The following CASK variants were observed in gnomAD, a reference collection of about 807,000 sequenced individuals.
CASK encodes calcium/calmodulin dependent serine protein kinase.
In CASK, 4 loss-of-function variants were observed where a neutral mutation model predicts 82.9. That is an observed-to-expected ratio of 0.05 (90% confidence interval 0.02 to 0.11). The LOEUF is 0.11. Among genes scored for constraint, CASK ranks in the 10% least tolerant of loss-of-function variants. CASK has a pLI of 1.00. For missense variants in CASK, 358 were observed against 720.9 expected (o/e 0.50, Z 5.76); for synonymous variants, 259 against 253.5 (o/e 1.02, Z -0.20).
chrX:41,897,241 C>A lies in CASK; in HGVS notation c.59+25689G>T, dbSNP rs760652381. On this transcript the variant is annotated intron_variant, in intron 1 of 26. Coordinates refer to ENST00000378163, the MANE Select transcript of CASK (RefSeq NM_001367721.1). ...ATTGAGTGTTGATGTTAGCTGTGGGCCTGTCATATACAGCCTTTATTGTGT... is the reference window on the plus strand; with the variant it reads ...ATTGAGTGTTGATGTTAGCTGTGGGACTGTCATATACAGCCTTTATTGTGT... Among the ~76,000 whole-genome samples, 133 of 111,523 alleles carry A rather than the reference C, an allele frequency of 1.2e-3. 1 individual carries two copies. Among genetic ancestry groups the A allele is most frequent in the Non-Finnish European group, 4.2e-4 (22 of 52,906 alleles).
At chrX:41,737,303 G>A (rs183150696) in intron 5 of CASK, among the ~76,000 whole-genome samples, 3 of 112,061 alleles carry the variant, frequency 2.7e-5, no homozygotes, top group Non-Finnish European at 5.6e-5. Context: ...GCCACGCTAC[G>A]TCACCAACAT....
chrX:41,800,735 G>A (rs1299325984), intron 2 of CASK, among the ~76,000 whole-genome samples: 2 of 108,256 alleles, frequency 1.8e-5, no homozygotes, highest in African/African-American at 3.4e-5. Context: ...TCCCACCTAT[G>A]AGTGAGAACA....
chrX:41,602,719 C>CTTTTTTTTTTTTTT (rs34064822), intron 12 of CASK, among the ~76,000 whole-genome samples: 1 of 75,203 alleles, frequency 1.3e-5, no homozygotes, highest in African/African-American at 4.7e-5. Flanking sequence ...TGCTTAGCGG[C>CTTTTTTTTTTTTTT]TTTTTTTTTT....
At chrX:41,789,991 G>A (rs146078097) in intron 2 of CASK, among the ~76,000 whole-genome samples, 1,249 of 111,473 alleles carry the variant, frequency 0.011, 5 homozygotes, top group Non-Finnish European at 0.016. Context: ...GTGCAGTGGC[G>A]TGATCATGGC....
intron 8 of CASK, among the ~76,000 whole-genome samples, chrX:41,646,709 TAC>T (rs1443356928): frequency 1.8e-5 from 2 of 111,903 alleles, no homozygotes; most frequent in Non-Finnish European, 3.8e-5. Context: ...ACTATTCCCA[TAC>T]AGAGTTGTGT....
At chrX:41,724,673 T>C (rs986933352) in intron 5 of CASK, among the ~76,000 whole-genome samples, 4 of 111,887 alleles carry the variant, frequency 3.6e-5, no homozygotes, top group Admixed American at 9.5e-5. Context: ...ATGTACATAG[T>C]AGATACAAGT....
chrX:41,538,650 T>C (rs1434613045), intron 22 of CASK, among the ~76,000 whole-genome samples: 1 of 112,372 alleles, frequency 8.9e-6, no homozygotes, highest in Non-Finnish European at 1.9e-5. Context: ...ATTACCCTGA[T>C]TTTCTGCTAA....
intron 5 of CASK, chrX:41,726,952 A>T: frequency 1.8e-6 from 1 of 571,223 alleles, no homozygotes; most frequent in Non-Finnish European, 2.7e-6. Flanking sequence ...ATACTGTACC[A>T]AAAATAATTT....
At chrX:41,669,810 G>A (rs2067171046) in intron 6 of CASK, among the ~76,000 whole-genome samples, 1 of 111,757 alleles carries the variant, frequency 8.9e-6, no homozygotes, top group Non-Finnish European at 1.9e-5. Context: ...TGTACTACCT[G>A]TAGTTAGAGT....
chrX:41,915,408 A>G (rs1162679552), intron 1 of CASK, among the ~76,000 whole-genome samples: 1 of 112,635 alleles, frequency 8.9e-6, no homozygotes, highest in Non-Finnish European at 1.9e-5. Context: ...ATTATTCATG[A>G]AAAATCAATA....
At chrX:41,815,926 T>G (rs1392040058) in intron 2 of CASK, among the ~76,000 whole-genome samples, 1 of 111,316 alleles carries the variant, frequency 9.0e-6, no homozygotes, top group South Asian at 3.8e-4. Flanking sequence ...AGTGGTGTAA[T>G]CTCGGCTCAC....
chrX:41,828,902 C>T (rs1299910472), intron 2 of CASK, among the ~76,000 whole-genome samples: 3 of 112,032 alleles, frequency 2.7e-5, no homozygotes, highest in African/African-American at 9.7e-5. Flanking sequence ...GGAAGAGAAT[C>T]TTATGTCTGG....
chrX:41,647,410 G>A (rs751931372), intron 8 of CASK, among the ~76,000 whole-genome samples: 4 of 112,108 alleles, frequency 3.6e-5, no homozygotes, highest in East Asian at 2.8e-4. Flanking sequence ...GAGCTGAGGC[G>A]TTAGATCAGG....
intron 1 of CASK, among the ~76,000 whole-genome samples, chrX:41,876,987 T>C (rs779430505): frequency 8.9e-6 from 1 of 111,880 alleles, no homozygotes; most frequent in South Asian, 3.7e-4. Context: ...GGTGTCCAGT[T>C]CTAGCTTTGC....
chrX:41,775,361 C>A (rs948100837), intron 3 of CASK, among the ~76,000 whole-genome samples: 5 of 109,849 alleles, frequency 4.6e-5, no homozygotes, highest in African/African-American at 1.7e-4. Context: ...GTTAGAATGG[C>A]AATCATTAAA....
At chrX:41,682,055 T>TAAAAAA (rs35914567) in intron 5 of CASK, among the ~76,000 whole-genome samples, 2 of 67,787 alleles carry the variant, frequency 3.0e-5, no homozygotes, top group Non-Finnish European at 5.4e-5. Context: ...AGGACCATTG[T>TAAAAAA]AAAAAAAAAA....
rs550893314 is a variant in CASK at position 41,516,598 on chromosome X, C to T, written c.*3822G>A. 1.8e-5 allele frequency: 2 copies of T among 111,243 alleles called. No homozygotes were observed. The highest frequency in any genetic ancestry group is 2.8e-4 in the East Asian group (1 of 3,567). The allele number at this position is 111,243 out of a possible 1,213,427, so 9.2% of individuals were successfully genotyped here. A position where few individuals can be genotyped will look rare whatever the true frequency, so the allele number is the denominator to read the frequency against. ...GTAATCGCTCTCAGTATTGTAAGCCCTAGTCAAGAGGATGGAATTAGGAGG... is the reference window on the plus strand; with the variant it reads ...GTAATCGCTCTCAGTATTGTAAGCCTTAGTCAAGAGGATGGAATTAGGAGG... On this transcript the variant is annotated 3_prime_UTR_variant, in exon 27 of 27. Coordinates refer to ENST00000378163, the MANE Select transcript of CASK (RefSeq NM_001367721.1).
At chrX:41,540,694 G>A (rs1274775493) in intron 22 of CASK, among the ~76,000 whole-genome samples, 1 of 112,330 alleles carries the variant, frequency 8.9e-6, no homozygotes, top group African/African-American at 3.2e-5. Flanking sequence ...ATCAGAGAAT[G>A]GGAGCAATGG....
intron 14 of CASK, chrX:41,586,211 G>A (rs1275050308): frequency 2.7e-5 from 3 of 111,725 alleles, no homozygotes; most frequent in Admixed American, 1.9e-4. Flanking sequence ...TAAGAACAAG[G>A]CTTTTAAGTC....
Sources: gnomAD v4.1 joint callset for allele counts (sites outside exome capture counted in the v4.1 genomes callset) on GRCh38, gnomAD v4.1.1 for gene constraint, MANE v1.5 for transcripts, NCBI Gene and HGNC (gene_info 2026-07-23, HGNC 2026-07-21) for gene names.